The following CSTF2 variants were observed in gnomAD, a reference collection of about 807,000 sequenced individuals.
CSTF2 encodes cleavage stimulation factor subunit 2, also known as CF-1 64 kDa subunit.
A neutral mutation model predicts 45.4 loss-of-function variants in CSTF2; 8 were observed. The ratio of observed to expected loss-of-function variants is 0.18; its 90% CI spans 0.10 to 0.32. The LOEUF is 0.32. Ranked by LOEUF, CSTF2 falls within the 10% of genes least tolerant of loss-of-function variation. The pLI is 1.00. For missense variants in CSTF2, 253 were observed against 477.1 expected, an observed-to-expected ratio of 0.53 and a Z score of 4.38; for synonymous variants, 155 against 158.9, an observed-to-expected ratio of 0.98 and a Z score of 0.18.
rs775645977 is a variant in CSTF2, at chrX:100,832,741, T to G, written c.1039T>G (p.Leu347Val). ...GTTTTTCTCCATCTCCAGAGGTTAC[T>G]TGGGACCACCTCATCAGGGTCCACC... ...VTGEVEPRGY[L>V]GPPHQGPPMH... is the part of the protein sequence containing the mutation. The change falls in exon 10 of 14, where the codon TTG (leucine) becomes GTG (valine). Residue 347 changes from leucine (L) to valine (V), a missense_variant. Physicochemically the swap from Leu to Val is conservative, Grantham distance 32 (BLOSUM62 1). Around this residue, in one of 3 missense-constraint regions of CSTF2, gnomAD observed 200 missense variants for 294.0 expected, o/e 0.68. Coordinates refer to ENST00000372972, the MANE Select transcript of CSTF2 (RefSeq NM_001325.3). The G allele has an allele frequency of 8.3e-7, 1 of 1,202,868 alleles. No homozygotes were observed.
chrX:100,826,623 T>TG lies in CSTF2; in HGVS notation c.703-10dup. On this transcript the variant is annotated splice_polypyrimidine_tract_variant and intron_variant, in intron 6 of 13. Coordinates refer to ENST00000372972, the MANE Select transcript of CSTF2 (RefSeq NM_001325.3). ...AGGCATATACATACTCTGTTTTTTT[T>TG]GCTTGGTCAGGGTGGAATGCATGTC... 8.3e-7 allele frequency: 1 copy of TG among 1,209,648 alleles called. No homozygotes were observed. The highest frequency in any genetic ancestry group is 1.1e-6 in the Non-Finnish European group (1 of 894,077).
chrX:100,824,176 A>G lies in CSTF2; in HGVS notation c.621A>G (p.Pro207=). 8.2e-7 allele frequency: 1 copy of G among 1,212,181 alleles called. No individual in the cohort carries two copies. Among genetic ancestry groups the G allele is most frequent in the Non-Finnish European group, 1.1e-6 (1 of 895,540 alleles). Residue 207 remains proline (P), a synonymous_variant, in exon 6 of 14, where the codon CCA becomes CCG. Transcript: ENST00000372972. The part of the protein sequence containing the change: ...IPTLIAGNPQ[P]VHGAGPGSGS... ...CGCTGATTGCAGGCAACCCTCAGCC[A>G]GTCCATGGTGCTGGGCCTGGCTCAG...
intron 8 of CSTF2, among the ~76,000 whole-genome samples, chrX:100,829,446 G>A (rs1054581733): frequency 2.7e-5 from 3 of 110,919 alleles, no homozygotes; most frequent in Non-Finnish European, 5.7e-5. Context: ...AGCCATAATC[G>A]GGCACCACTG....
chrX:100,832,624 G>A, intron 9 of CSTF2, 110 bp from the exon 10 acceptor site: 1 of 601,185 alleles, frequency 1.7e-6, no homozygotes, highest in Non-Finnish European at 2.4e-6. Flanking sequence ...TTTCTTGTTA[G>A]TATTCATAGA....
chrX:100,821,546 A>G lies in CSTF2; in HGVS notation c.78A>G (p.Glu26=). 8.3e-7 allele frequency: 1 copy of G among 1,203,274 alleles called. No homozygotes were observed. Among genetic ancestry groups the G allele is most frequent in the Non-Finnish European group, 1.1e-6 (1 of 888,018 alleles). ...RSVFVGNIPY[E]ATEEQLKDIF... is the part of the protein sequence containing the mutation. ...CCTTAGTGGGGAACATTCCTTATGA[A>G]GCTACTGAAGAGCAGTTGAAGGACA... The change falls in exon 2 of 14, where the codon GAA becomes GAG. Residue 26 remains glutamate (E), a synonymous_variant. Transcript: ENST00000372972.
rs777485719 is a variant in CSTF2 at position 100,831,703 on chromosome X, CCTT to C, written c.1031+52_1031+54del. On this transcript the variant is annotated intron_variant, in intron 9 of 13. Coordinates refer to ENST00000372972, the MANE Select transcript of CSTF2 (RefSeq NM_001325.3). The stretch of plus-strand genomic sequence containing the variant: ...AACAGTTGAAGAAATCAGAATTGTC[CCTT>C]CTTCCCTGAGAACAAAATCTTTCTG... 10 of 1,169,650 alleles carry C rather than the reference CCTT, an allele frequency of 8.5e-6. No individual in the cohort carries two copies. The African/African-American group carries it at 1.8e-4, about 21-fold the overall frequency.
In CSTF2 at chrX:100,835,574, TC is replaced by T. The variant is rs770496978; in HGVS notation, c.1501-1763del. ...TTTTTTTTTTTAACTTAACAACATGTCCTTAATTCATACTTTTAAATTAGAT... is the reference window on the plus strand; with the variant it reads ...TTTTTTTTTTTAACTTAACAACATGTCTTAATTCATACTTTTAAATTAGAT... On this transcript the variant is annotated intron_variant, in intron 11 of 13. Coordinates refer to ENST00000372972, the MANE Select transcript of CSTF2 (RefSeq NM_001325.3). Among the ~76,000 whole-genome samples, 8 of 109,236 alleles carry T rather than the reference TC, an allele frequency of 7.3e-5. No homozygotes were observed. In the Admixed American group the frequency reaches 7.9e-4, roughly 11 times the overall value. The allele number at this position is 109,236 out of a possible 115,157, so 94.9% of individuals were successfully genotyped here. A position where few individuals can be genotyped will look rare whatever the true frequency, so the allele number is the denominator to read the frequency against.
chrX:100,823,309 C>T lies in CSTF2; in HGVS notation c.325C>T (p.Pro109Ser). ...TTGATTAGGCCTTGGCACTGGTGCC[C>T]CTGTCATTGAGTCACCTTATGGAGA... ...EELKSLGTGA[P>S]VIESPYGETI... The change falls in exon 4 of 14, where the codon CCT becomes TCT. Residue 109 changes from proline (P) to serine (S), a missense_variant. This residue lies in a region of CSTF2 where 45 missense variants were observed against 147.5 expected (regional missense o/e 0.31). Transcript: ENST00000372972. 8.3e-7 allele frequency: 1 copy of T among 1,210,798 alleles called. No homozygotes were observed. The highest frequency in any genetic ancestry group is 1.1e-6 in the Non-Finnish European group (1 of 894,931).
At chrX:100,835,241 A>G (rs1477457729) in intron 11 of CSTF2, among the ~76,000 whole-genome samples, 1 of 100,910 alleles carries the variant, frequency 9.9e-6, no homozygotes, top group Non-Finnish European at 2.0e-5. Context: ...TAGCCACTGC[A>G]CTCCAGCCTG....
intron 8 of CSTF2, among the ~76,000 whole-genome samples, chrX:100,830,601 C>A (rs1415375728): frequency 9.0e-6 from 1 of 111,588 alleles, no homozygotes; most frequent in Non-Finnish European, 1.9e-5. Flanking sequence ...CTTTCAAAAG[C>A]TATCTGGTCA....
At chrX:100,830,598 A>C (rs751051918) in intron 8 of CSTF2, among the ~76,000 whole-genome samples, 5 of 111,616 alleles carry the variant, frequency 4.5e-5, no homozygotes, top group African/African-American at 1.6e-4. Context: ...TCCCTTTCAA[A>C]AGCTATCTGG....
At chrX:100,839,624 G>T (rs1437123228) in intron 13 of CSTF2, among the ~76,000 whole-genome samples, 3 of 111,801 alleles carry the variant, frequency 2.7e-5, no homozygotes, top group Non-Finnish European at 5.6e-5. Flanking sequence ...GACCTTAAAT[G>T]AATTAATGAG....
At chrX:100,828,714 A>G (rs777005270) in intron 8 of CSTF2, among the ~76,000 whole-genome samples, 4 of 112,209 alleles carry the variant, frequency 3.6e-5, no homozygotes, top group Non-Finnish European at 7.5e-5. Context: ...TGGAGTTTGA[A>G]GGACAAGAAA....
rs969516127 is a variant in CSTF2, at chrX:100,837,803, A to G, written c.1611+354A>G. ...AAACAATAGTAGATTCCCCATGATT[A>G]TATCTTTCTGTTTTTATATTTGACC... On this transcript the variant is annotated intron_variant, in intron 12 of 13. Transcript: ENST00000372972. Among the ~76,000 whole-genome samples the G allele has an allele frequency of 3.6e-5, 4 of 111,303 alleles. No homozygotes were observed. In the Admixed American group the frequency reaches 3.8e-4, roughly 11 times the overall value.
chrX:100,836,376 C>T (rs992720160), intron 11 of CSTF2, among the ~76,000 whole-genome samples: 1 of 112,221 alleles, frequency 8.9e-6, no homozygotes, highest in Non-Finnish European at 1.9e-5. Flanking sequence ...TTTCTGGTCT[C>T]CTTCACTGTC....
chrX:100,824,288 A>G (rs1362750217), intron 6 of CSTF2, 31 bp downstream of exon 6: 14 of 1,161,759 alleles, frequency 1.2e-5, no homozygotes, highest in South Asian at 8.0e-5. Flanking sequence ...ATTTTTTTGT[A>G]TCTGTCTTAG....
chrX:100,823,238 G>T, intron 3 of CSTF2, 54 bp from the exon 4 acceptor site: 1 of 1,181,985 alleles, frequency 8.5e-7, no homozygotes, highest in Non-Finnish European at 1.1e-6. Flanking sequence ...TATTTGAAAT[G>T]ATTTAGCTTT....
intron 9 of CSTF2, among the ~76,000 whole-genome samples, chrX:100,832,194 G>C (rs2084979716): frequency 8.9e-6 from 1 of 111,746 alleles, no homozygotes; most frequent in African/African-American, 3.3e-5. Context: ...TCCAGCCTGG[G>C]CAACAAGAGT....
rs1392416247 is a variant in CSTF2, at chrX:100,840,727, C to T, written c.*17C>T. 1 of 111,434 alleles carries T rather than the reference C, an allele frequency of 9.0e-6. No homozygotes were observed. The highest frequency in any genetic ancestry group is 3.3e-5 in the African/African-American group (1 of 30,630). The allele number at this position is 111,434 out of a possible 1,213,427, so 9.2% of individuals were successfully genotyped here. On this transcript the variant is annotated 3_prime_UTR_variant, in exon 14 of 14. Transcript: ENST00000372972. ...TTCTTCTTACAGGTTTTCAAAAATA[C>T]CTGGCAAGAAATCTGGAAATTCTAT...
Sources: allele counts gnomAD v4.1 joint callset (sites outside exome capture counted in the v4.1 genomes callset), GRCh38; gene constraint gnomAD v4.1.1; regional missense constraint gnomAD v4.1.1; transcripts MANE v1.5; gene names NCBI Gene and HGNC (gene_info 2026-07-23, HGNC 2026-07-21).